Variants in RBFOX1 observed in about 807,000 individuals in gnomAD.
RBFOX1 encodes RNA binding protein fox-1 homolog 1.
Under a neutral mutation model 57.7 loss-of-function variants are expected in RBFOX1, and 8 were observed. That is an observed-to-expected ratio of 0.14 (90% confidence interval 0.08 to 0.25). RBFOX1 has a LOEUF of 0.25. RBFOX1 is among the 10% of genes least tolerant of loss of function. RBFOX1 has a pLI of 1.00. For synonymous variants in RBFOX1, 326 were observed against 222.4 expected, an observed-to-expected ratio of 1.47 and a Z score of -4.15; for missense variants, 611 against 548.5, an observed-to-expected ratio of 1.11 and a Z score of -1.14.
intron 3 of RBFOX1, among the ~76,000 whole-genome samples, chr16:5,786,734 T>A (rs1173522224): frequency 1.3e-5 from 2 of 152,176 alleles, no homozygotes; most frequent in African/African-American, 2.4e-5. Flanking sequence ...TTACAGCCAT[T>A]TCACATTTGA....
At chr16:6,944,476 T>C (rs913770859) in intron 3 of RBFOX1, among the ~76,000 whole-genome samples, 3 of 152,056 alleles carry the variant, frequency 2.0e-5, no homozygotes, top group African/African-American at 7.2e-5. Flanking sequence ...TTACATGACT[T>C]ATCTCCACAT....
intron 3 of RBFOX1, among the ~76,000 whole-genome samples, chr16:6,698,691 T>A (rs1383600999): frequency 6.6e-6 from 1 of 152,182 alleles, no homozygotes; most frequent in African/African-American, 2.4e-5. Context: ...CTATGCTATT[T>A]TCAGCATCTC....
intron 3 of RBFOX1, among the ~76,000 whole-genome samples, chr16:5,789,380 C>T (rs1007415653): frequency 2.6e-5 from 4 of 152,046 alleles, no homozygotes; most frequent in Non-Finnish European, 5.9e-5. Context: ...TGTTGACTTA[C>T]AAGGGGCCAC....
At chr16:6,152,897 A>G (rs887577102) in intron 1 of RBFOX1, among the ~76,000 whole-genome samples, 1 of 152,212 alleles carries the variant, frequency 6.6e-6, no homozygotes, top group Non-Finnish European at 1.5e-5. Context: ...ATCAGGAAAC[A>G]CAGAAAGGAA....
rs111628219 is a variant in RBFOX1, at chr16:7,014,862, T to G, written c.-15-37195T>G. Among the ~76,000 whole-genome samples, 1,035 of 152,148 alleles carry G rather than the reference T, an allele frequency of 6.8e-3. 14 individuals are homozygous for G. The highest frequency in any genetic ancestry group is 0.024 in the African/African-American group (987 of 41,538). ...GCATTAGCCTCCTGAGTAGCTGAGATTACAGGCATGTGCCACCACACCCGG... is the reference window on the plus strand; with the variant it reads ...GCATTAGCCTCCTGAGTAGCTGAGAGTACAGGCATGTGCCACCACACCCGG... On this transcript the variant is annotated intron_variant, in intron 3 of 15. Transcript: ENST00000550418.
Position 7,416,424 on chromosome 16 carries a change from G to A in RBFOX1, c.28-101723G>A, listed in dbSNP as rs193272914. On this transcript the variant is annotated intron_variant, in intron 4 of 15. Coordinates refer to ENST00000550418, the MANE Select transcript of RBFOX1 (RefSeq NM_018723.4). The stretch of plus-strand genomic sequence containing the variant: ...GCTTACTGATATGATTGAGTGCCTG[G>A]GAGTCACCCCCAACCTCTGCTGATT... Among the ~76,000 whole-genome samples the A allele has an allele frequency of 3.9e-5, 6 of 152,196 alleles. No individual in the cohort carries two copies. The East Asian group carries it at 9.6e-4, about 24-fold the overall frequency.
chr16:6,634,964 ATATAT>A lies in RBFOX1; in HGVS notation c.-63-19634_-63-19630del, dbSNP rs1301996745. The stretch of plus-strand genomic sequence containing the variant: ...TAGTAATTTAGTTTATAATTATTAC[ATATAT>A]TATACATGTTTTAATTTATATATAA... On this transcript the variant is annotated intron_variant, in intron 2 of 15. Transcript: ENST00000550418. 4.2e-5 allele frequency among the ~76,000 whole-genome samples: 6 copies of A among 141,498 alleles called. 1 individual carries two copies. The South Asian group carries it at 6.6e-4, about 16-fold the overall frequency. The allele number at this position is 141,498 out of a possible 152,430, so 92.8% of individuals were successfully genotyped here.
chr16:6,563,387 C>T (rs998042608), intron 2 of RBFOX1, among the ~76,000 whole-genome samples: 4 of 152,134 alleles, frequency 2.6e-5, no homozygotes, highest in African/African-American at 7.2e-5. Flanking sequence ...TTATTATTAC[C>T]CTCATTTATC....
chr16:7,682,606 AT>A (rs879761790), intron 14 of RBFOX1, among the ~76,000 whole-genome samples: 1 of 148,710 alleles, frequency 6.7e-6, no homozygotes, highest in Non-Finnish European at 1.5e-5. Context: ...GGGTTCTATA[AT>A]TTTTTTTAAA....
At chr16:5,584,539 G>C (rs1194485113) in intron 2 of RBFOX1, among the ~76,000 whole-genome samples, 1 of 152,204 alleles carries the variant, frequency 6.6e-6, no homozygotes, top group African/African-American at 2.4e-5. Flanking sequence ...CAGAGACCAA[G>C]GGTAGGCTGG....
chr16:6,068,679 C>T (rs150126726), intron 1 of RBFOX1, among the ~76,000 whole-genome samples: 1 of 152,176 alleles, frequency 6.6e-6, no homozygotes, highest in Non-Finnish European at 1.5e-5. Context: ...AGAGGAAGGT[C>T]TTCAGGACTC....
intron 4 of RBFOX1, among the ~76,000 whole-genome samples, chr16:7,104,462 G>A (rs185109137): frequency 9.0e-4 from 137 of 152,096 alleles, no homozygotes; most frequent in African/African-American, 3.2e-3. Context: ...TCTAATTCAT[G>A]GACAAGGAAA....
At chr16:6,785,238 C>T (rs1049035416) in intron 3 of RBFOX1, among the ~76,000 whole-genome samples, 43 of 152,032 alleles carry the variant, frequency 2.8e-4, no homozygotes, top group African/African-American at 1.0e-3. Flanking sequence ...CCAGTCCGTT[C>T]GTAACTAACA....
intron 2 of RBFOX1, among the ~76,000 whole-genome samples, chr16:6,497,731 A>C (rs1018828856): frequency 2.6e-5 from 4 of 151,728 alleles, no homozygotes; most frequent in Admixed American, 2.0e-4. Flanking sequence ...TAATTTTTGT[A>C]TTTTTAGTAG....
In RBFOX1 at chr16:7,458,058, A is replaced by T. The variant is rs548826196; in HGVS notation, c.28-60089A>T. Among the ~76,000 whole-genome samples the T allele has an allele frequency of 3.9e-5, 6 of 152,218 alleles. No individual in the cohort carries two copies. In the Middle Eastern group the frequency reaches 0.017, roughly 431 times the overall value. On this transcript the variant is annotated intron_variant, in intron 4 of 15. Coordinates refer to ENST00000550418, the MANE Select transcript of RBFOX1 (RefSeq NM_018723.4). ...CAGCTTGGACATCTCCTCTTTAAGGACATACTTCCTGATTCACCTTCCAAA... is the reference window on the plus strand; with the variant it reads ...CAGCTTGGACATCTCCTCTTTAAGGTCATACTTCCTGATTCACCTTCCAAA...
At position 5,501,337 on chromosome 16, in the gene RBFOX1, A is replaced by G. The variant is rs550785525; in HGVS notation, c.258+34083A>G. On this transcript the variant is annotated intron_variant, in intron 2 of 2. Coordinates refer to the RBFOX1 transcript ENST00000585867. ...TGTCTACAAAAAAAAAAAAAAAAAA[A>G]AAAAGAAAAAATAAAATTATCAATT... 6.9e-3 allele frequency among the ~76,000 whole-genome samples: 1,041 copies of G among 151,112 alleles called. 11 individuals are homozygous for G. Among genetic ancestry groups the G allele is most frequent in the East Asian group, 0.039 (202 of 5,152 alleles).
chr16:5,935,028 C>T (rs1210937311), intron 4 of RBFOX1, among the ~76,000 whole-genome samples: 2 of 152,142 alleles, frequency 1.3e-5, no homozygotes, highest in East Asian at 3.9e-4. Context: ...ATCTTTGGGC[C>T]ACATGATTAA....
intron 3 of RBFOX1, among the ~76,000 whole-genome samples, chr16:6,902,122 C>G (rs1482191316): frequency 3.3e-5 from 5 of 152,066 alleles, no homozygotes; most frequent in African/African-American, 7.2e-5. Flanking sequence ...TACTTGAAAC[C>G]AGGAGTGCTG....
chr16:6,362,168 C>A (rs942124122), intron 2 of RBFOX1, among the ~76,000 whole-genome samples: 20 of 151,076 alleles, frequency 1.3e-4, no homozygotes, highest in African/African-American at 4.6e-4. Flanking sequence ...ACAAGTCCTG[C>A]CCACCCCACG....
Sources: allele counts gnomAD v4.1 joint callset (sites outside exome capture counted in the v4.1 genomes callset), GRCh38; gene constraint gnomAD v4.1.1; transcripts MANE v1.5; gene names NCBI Gene and HGNC (gene_info 2026-07-23, HGNC 2026-07-21).